Variants in MAP3K11 observed in about 807,000 individuals in gnomAD.
The protein encoded by MAP3K11 is SH3 domain-containing proline-rich kinase.
MAP3K11 carries 46 observed loss-of-function variants against 84.9 expected under a neutral mutation model. The ratio of observed to expected loss-of-function variants is 0.54; its 90% CI spans 0.43 to 0.69. The LOEUF is 0.69. Among genes scored for constraint, MAP3K11 ranks in the 30% least tolerant of loss-of-function variants. The probability of loss-of-function intolerance (pLI) is 0.00; values close to 1 mark genes in which losing one functional copy is unlikely to be tolerated. For synonymous variants in MAP3K11, 527 were observed against 514.7 expected (o/e 1.02, Z -0.32); for missense variants, 1,053 against 1,198.3 (o/e 0.88, Z 1.79).
At chr11:65,608,212 C>T in intron 2 of MAP3K11, 56 bp downstream of exon 2, 1 of 1,591,598 alleles carries the variant, frequency 6.3e-7, no homozygotes, top group Non-Finnish European at 8.6e-7. Flanking sequence ...TTTAGGCAGC[C>T]ACCTCTGCCC....
rs750770665 is a variant in MAP3K11 at position 65,607,823 on chromosome 11, G to A, written c.1070-7C>T. ...GGGTCCTGCGCCCAGCAGTCTAGGG[G>A]CACGGCGTGCAGCGGGGACAGAATA... On this transcript the variant is annotated splice_polypyrimidine_tract_variant and splice_region_variant and intron_variant, in intron 3 of 9. Transcript: ENST00000309100. 6.2e-6 allele frequency: 10 copies of A among 1,608,904 alleles called. No individual in the cohort carries two copies. Among genetic ancestry groups the A allele is most frequent in the East Asian group, 2.2e-5 (1 of 44,726 alleles).
intron 6 of MAP3K11, 33 bp from the exon 7 acceptor site, chr11:65,606,114 C>A: frequency 1.3e-6 from 2 of 1,545,002 alleles, no homozygotes; most frequent in Non-Finnish European, 1.7e-6. Context: ...CGGAGATAAT[C>A]TTTATTCTCC....
intron 9 of MAP3K11, among the ~76,000 whole-genome samples, chr11:65,598,936 C>CTGGT (rs1854416991): frequency 6.6e-6 from 1 of 152,184 alleles, no homozygotes; most frequent in Non-Finnish European, 1.5e-5. Flanking sequence ...GCTTAGTTCT[C>CTGGT]TGGTTGTTAT....
At chr11:65,600,770 G>T (rs1284718515) in intron 8 of MAP3K11, among the ~76,000 whole-genome samples, 1 of 152,180 alleles carries the variant, frequency 6.6e-6, no homozygotes, top group Non-Finnish European at 1.5e-5. Flanking sequence ...TCCTTGGCTG[G>T]TCCTCTGAAG....
In MAP3K11 at chr11:65,607,949, G is replaced by A. The variant is rs376825039; in HGVS notation, c.1042C>T (p.Pro348Ser). The A allele has an allele frequency of 1.2e-6, 2 of 1,614,054 alleles. No homozygotes were observed. Among genetic ancestry groups the A allele is most frequent in the African/African-American group, 2.7e-5 (2 of 74,940 alleles). The stretch of plus-strand genomic sequence containing the variant: ...GCCATAAGCTGTGCGAAGGGCTCGG[G>A]GCAGGTGGATGGGATGGGCAGTGTG... ...KLTLPIPSTC[P>S]EPFAQLMADC... Residue 348 changes from proline (P) to serine (S), a missense_variant, in exon 3 of 10, where the codon CCC becomes TCC. Coordinates refer to ENST00000309100, the MANE Select transcript of MAP3K11 (RefSeq NM_002419.4).
Position 65,613,564 on chromosome 11 carries a change from C to G in MAP3K11, c.193G>C (p.Gly65Arg), listed in dbSNP as rs1489833518. 6.2e-7 allele frequency: 1 copy of G among 1,612,548 alleles called. No individual in the cohort carries two copies. Among genetic ancestry groups the G allele is most frequent in the South Asian group, 1.1e-5 (1 of 91,022 alleles). Reference protein sequence around the residue: ...SGQDELALRKGDRVEVLSRDA... With the variant: ...SGQDELALRKRDRVEVLSRDA... ...CGGGACAGCACCTCCACACGGTCACCCTTCCTCAGGGCCAGCTCATCCTGC... is the reference window on the plus strand; with the variant it reads ...CGGGACAGCACCTCCACACGGTCACGCTTCCTCAGGGCCAGCTCATCCTGC... Residue 65 changes from glycine (G) to arginine (R), a missense_variant, in exon 1 of 10, where the codon GGT becomes CGT. Transcript: ENST00000309100.
Position 65,605,799 on chromosome 11 carries a change from G to GATGAGTCATCTGA in MAP3K11, c.1780_1792dup (p.Ser598PhefsTer3). 1 of 1,612,896 alleles carries GATGAGTCATCTGA rather than the reference G, an allele frequency of 6.2e-7. No individual in the cohort carries two copies. Among genetic ancestry groups the GATGAGTCATCTGA allele is most frequent in the Non-Finnish European group, 8.5e-7 (1 of 1,179,480 alleles). ...GGGTGTGGAAGGAGATCCTAAGGGG[G>GATGAGTCATCTGA]ATGAGTCATCTGAATCCAGGTACCA... On this transcript the variant is annotated stop_gained and frameshift_variant, in exon 8 of 10. Coordinates refer to ENST00000309100, the MANE Select transcript of MAP3K11 (RefSeq NM_002419.4). LOFTEE classifies it high-confidence loss of function.
intron 9 of MAP3K11, 24 bp from the exon 10 acceptor site, chr11:65,598,652 A>G (rs1429997081): frequency 1.4e-6 from 2 of 1,450,266 alleles, no homozygotes; most frequent in Admixed American, 2.6e-5. Context: ...GGAGGGGCAC[A>G]GGGTCAAGCA....
chr11:65,613,469 C>CG lies in MAP3K11; in HGVS notation c.287dup (p.Ser97ValfsTer43). The CG allele has an allele frequency of 6.2e-7, 1 of 1,612,150 alleles. No homozygotes were observed. Among genetic ancestry groups the CG allele is most frequent in the Non-Finnish European group, 8.5e-7 (1 of 1,179,350 alleles). ...CGCCACCCCGAGACACATAGTTGGA[C>CG]GGGAAGATGCCCACCTGGCCACCCA... On this transcript the variant is annotated frameshift_variant, in exon 1 of 10. Transcript: ENST00000309100. LOFTEE classifies it high-confidence loss of function.
intron 6 of MAP3K11, 83 bp from the exon 7 acceptor site, chr11:65,606,164 G>C (rs1414942989): frequency 7.0e-7 from 1 of 1,425,600 alleles, no homozygotes; most frequent in Non-Finnish European, 9.2e-7. Context: ...AAACTTTAGA[G>C]TATGGGGAGC....
chr11:65,605,648 A>T, intron 8 of MAP3K11, 113 bp downstream of exon 8: 1 of 730,086 alleles, frequency 1.4e-6, no homozygotes, highest in Non-Finnish European at 2.2e-6. Flanking sequence ...AGTCTCTAGA[A>T]TGAGAGCAAC....
chr11:65,608,720 C>A, intron 1 of MAP3K11: 4 of 388,392 alleles, frequency 1.0e-5, no homozygotes, highest in Non-Finnish European at 1.9e-5. Flanking sequence ...TGGGTTCAAG[C>A]GATTGTCCTG....
In MAP3K11 at chr11:65,604,469, G is replaced by A. The variant is rs564618484; in HGVS notation, c.1831+1292C>T. 6.6e-5 allele frequency among the ~76,000 whole-genome samples: 10 copies of A among 152,390 alleles called. No individual in the cohort carries two copies. In the South Asian group the frequency reaches 2.1e-3, roughly 32 times the overall value. Reference sequence around the variant, plus strand: ...TGGGGGCAGTGCAGCTGCTGGAGTAGCAAATGGCGGGGCAGATGGAGGCCC... The same window carrying A: ...TGGGGGCAGTGCAGCTGCTGGAGTAACAAATGGCGGGGCAGATGGAGGCCC... On this transcript the variant is annotated intron_variant, in intron 8 of 9. Transcript: ENST00000309100.
intron 8 of MAP3K11, among the ~76,000 whole-genome samples, chr11:65,604,167 A>G (rs1050589393): frequency 6.6e-6 from 1 of 152,282 alleles, no homozygotes; most frequent in Non-Finnish European, 1.5e-5. Flanking sequence ...GCTAATAAGT[A>G]GTTTCTCTTC....
intron 6 of MAP3K11, chr11:65,606,352 T>C (rs926354367): frequency 2.4e-5 from 11 of 450,798 alleles, no homozygotes; most frequent in African/African-American, 8.2e-5. Flanking sequence ...CTTCCACTTA[T>C]TAACTGTGTA....
At chr11:65,599,004 G>A (rs1024088762) in intron 9 of MAP3K11, among the ~76,000 whole-genome samples, 1 of 152,182 alleles carries the variant, frequency 6.6e-6, no homozygotes, top group Non-Finnish European at 1.5e-5. Flanking sequence ...CAAGTAAGGA[G>A]CCAGGAGTTT....
rs183896856 is a variant in MAP3K11 at position 65,598,920 on chromosome 11, A to G, written c.2207-292T>C. ...TTTCCTCATCTAAAAATGGGCATCC[A>G]GGAGCGCTTAGTTCTCTGGTTGTTA... is the stretch of plus-strand genomic sequence containing the variant. On this transcript the variant is annotated intron_variant, in intron 9 of 9. Transcript: ENST00000309100. Among the ~76,000 whole-genome samples the G allele has an allele frequency of 2.4e-4, 36 of 152,290 alleles. 1 individual carries two copies. The highest frequency in any genetic ancestry group is 1.5e-3 in the Admixed American group (23 of 15,296).
At chr11:65,600,183 G>A (rs1216033599) in intron 8 of MAP3K11, among the ~76,000 whole-genome samples, 1 of 152,206 alleles carries the variant, frequency 6.6e-6, no homozygotes, top group Non-Finnish European at 1.5e-5. Context: ...TGGCTTGGCA[G>A]CCCTGCCCCT....
In MAP3K11 at chr11:65,598,549, G is replaced by T. The variant is rs1310204925; in HGVS notation, c.2286C>A (p.Gly762=). 1.9e-6 allele frequency: 3 copies of T among 1,609,680 alleles called. No homozygotes were observed. The change falls in exon 10 of 10, where the codon GGC becomes GGA. Residue 762 remains glycine, a synonymous_variant. Coordinates refer to ENST00000309100, the MANE Select transcript of MAP3K11 (RefSeq NM_002419.4). ...TPGTPRSPPL[G]LISRPRPSPL... is the part of the protein sequence containing the mutation. ...GCGAGGGCCGAGGTCGGCTGATGAG[G>T]CCCAGGGGTGGTGAACGTGGGGTGC...
Sources: allele counts gnomAD v4.1 joint callset (sites outside exome capture counted in the v4.1 genomes callset), GRCh38; gene constraint gnomAD v4.1.1; transcripts MANE v1.5; gene names NCBI Gene and HGNC (gene_info 2026-07-23, HGNC 2026-07-21).